The following FANCC variants were observed in gnomAD, a reference collection of about 807,000 sequenced individuals.
The protein encoded by FANCC is Fanconi anemia group C protein.
Under a neutral mutation model 71.3 loss-of-function variants are expected in FANCC, and 55 were observed. That is an observed-to-expected ratio of 0.77 (90% CI 0.62 to 0.97). The LOEUF is 0.97. FANCC is among the 50% of genes least tolerant of loss of function. FANCC has a pLI of 0.00. For synonymous variants in FANCC, 275 were observed against 244.9 expected, an observed-to-expected ratio of 1.12 and a Z score of -1.15; for missense variants, 678 against 670.9, an observed-to-expected ratio of 1.01 and a Z score of -0.12.
At chr9:95,292,679 A>G in intron 1 of FANCC, 1 of 1,328,930 alleles carries the variant, frequency 7.5e-7, no homozygotes, top group Non-Finnish European at 1.1e-6. Context: ...AGTATAGCAC[A>G]GTCAATCCAA....
chr9:95,123,651 C>T, intron 10 of FANCC: 1 of 627,014 alleles, frequency 1.6e-6, no homozygotes, highest in East Asian at 3.4e-5. Flanking sequence ...ATTGGAAACA[C>T]AGTGGAGGCT....
intron 12 of FANCC, among the ~76,000 whole-genome samples, chr9:95,111,934 C>T (rs986354202): frequency 2.0e-5 from 3 of 152,168 alleles, no homozygotes; most frequent in Non-Finnish European, 4.4e-5. Context: ...AAGACTGCGG[C>T]CATGACCAAC....
chr9:95,216,590 T>C lies in FANCC; in HGVS notation c.345+24059A>G, dbSNP rs981006598. Among the ~76,000 whole-genome samples the C allele has an allele frequency of 2.0e-5, 3 of 152,212 alleles. No individual in the cohort carries two copies. In the East Asian group the frequency reaches 5.8e-4, roughly 29 times the overall value. ...GAGACAGGGTCTCATTCAGAAGAAA[T>C]GGGACAGGTTTGCTAACTGTCCAAC... On this transcript the variant is annotated intron_variant, in intron 4 of 14. Coordinates refer to ENST00000289081, the MANE Select transcript of FANCC (RefSeq NM_000136.3).
chr9:95,229,243 A>G (rs1307226239), intron 4 of FANCC, among the ~76,000 whole-genome samples: 1 of 149,046 alleles, frequency 6.7e-6, no homozygotes, highest in East Asian at 2.0e-4. Context: ...AGTTGCAGTG[A>G]GCTGAGATCA....
chr9:95,110,584 A>T, intron 13 of FANCC: 1 of 1,035,370 alleles, frequency 9.7e-7, no homozygotes, highest in Non-Finnish European at 1.2e-6. Flanking sequence ...AAAATCTAAA[A>T]CTATTTTTCT....
chr9:95,164,490 T>C (rs780216912), intron 6 of FANCC, among the ~76,000 whole-genome samples: 1 of 152,176 alleles, frequency 6.6e-6, no homozygotes, highest in Non-Finnish European at 1.5e-5. Context: ...CTATTCCTAA[T>C]TTGTTTAAGG....
At chr9:95,111,352 G>C in intron 13 of FANCC, 111 bp downstream of exon 13, 1 of 1,598,186 alleles carries the variant, frequency 6.3e-7, no homozygotes, top group Admixed American at 1.7e-5. Context: ...CCATCTGTGG[G>C]CAGAGCTCAG....
intron 4 of FANCC, among the ~76,000 whole-genome samples, chr9:95,207,614 G>GA (rs1163815447): frequency 1.3e-5 from 2 of 152,076 alleles, no homozygotes; most frequent in East Asian, 3.9e-4. Flanking sequence ...ATGCTCCCTA[G>GA]AACTCCGGGT....
chr9:95,100,006 T>C lies in FANCC; in HGVS notation c.*1701A>G, dbSNP rs1436272381. The C allele has an allele frequency of 8.6e-6, 2 of 232,066 alleles. No homozygotes were observed. Among genetic ancestry groups the C allele is most frequent in the Non-Finnish European group, 1.7e-5 (2 of 117,432 alleles). The allele number at this position is 232,066 out of a possible 1,614,324, so 14.4% of individuals were successfully genotyped here. A position where few individuals can be genotyped will look rare whatever the true frequency, so the allele number is the denominator to read the frequency against. ...GGAGGCCTGGTCCCAGTGGCCCCTC[T>C]CTCTAGGGGTTCCCTGCTGCCACCA... On this transcript the variant is annotated 3_prime_UTR_variant, in exon 15 of 15. Transcript: ENST00000289081.
chr9:95,252,408 G>A (rs1831403364), intron 1 of FANCC, among the ~76,000 whole-genome samples: 1 of 151,296 alleles, frequency 6.6e-6, no homozygotes, highest in Admixed American at 6.6e-5. Flanking sequence ...CCAGTAAAAT[G>A]AAGAACTTTT....
At chr9:95,105,935 T>C (rs1025107225) in intron 14 of FANCC, among the ~76,000 whole-genome samples, 1 of 152,262 alleles carries the variant, frequency 6.6e-6, no homozygotes, top group African/African-American at 2.4e-5. Context: ...CCCTGAGCAC[T>C]GGGCCAGATG....
At chr9:95,271,302 TACA>T (rs921810418) in intron 1 of FANCC, among the ~76,000 whole-genome samples, 7 of 152,190 alleles carry the variant, frequency 4.6e-5, no homozygotes, top group African/African-American at 9.7e-5. Context: ...TATTACCTTG[TACA>T]ACAACAACTA....
intron 4 of FANCC, among the ~76,000 whole-genome samples, chr9:95,176,154 G>C (rs541564062): frequency 3.3e-5 from 5 of 152,330 alleles, no homozygotes; most frequent in African/African-American, 9.6e-5. Context: ...CTGGGTTAAA[G>C]AGGAGGAAAT....
chr9:95,276,747 A>G (rs1262940476), intron 1 of FANCC, among the ~76,000 whole-genome samples: 2 of 152,212 alleles, frequency 1.3e-5, no homozygotes, highest in Non-Finnish European at 2.9e-5. Context: ...CGGTTCATCA[A>G]CCAGTACAAA....
intron 4 of FANCC, among the ~76,000 whole-genome samples, chr9:95,231,630 C>T (rs968123801): frequency 6.6e-6 from 1 of 152,172 alleles, no homozygotes; most frequent in Non-Finnish European, 1.5e-5. Flanking sequence ...TAAAGAACCC[C>T]GTCCTTAGCT....
At chr9:95,252,291 A>G (rs1177796358) in intron 1 of FANCC, among the ~76,000 whole-genome samples, 27 of 149,688 alleles carry the variant, frequency 1.8e-4, no homozygotes, top group South Asian at 4.2e-4. Flanking sequence ...AAAAAAAAAA[A>G]AAAGAAAAAA....
At chr9:95,229,221 A>G (rs1178691252) in intron 4 of FANCC, among the ~76,000 whole-genome samples, 1 of 150,546 alleles carries the variant, frequency 6.6e-6, no homozygotes, top group East Asian at 2.0e-4. Context: ...TCACTTGAAT[A>G]CGGGAGGTGG....
chr9:95,101,552 G>T lies in FANCC; in HGVS notation c.*155C>A. On this transcript the variant is annotated 3_prime_UTR_variant, in exon 15 of 15. Transcript: ENST00000289081. The stretch of plus-strand genomic sequence containing the variant: ...ACCTGGCTCTGCATTTTGTAAAATA[G>T]ATACTAGCAGATTGTCCCAAGATGT... 1.1e-6 allele frequency: 1 copy of T among 882,922 alleles called. No individual in the cohort carries two copies. 54.7% of individuals were successfully genotyped at this position (882,922 alleles called of 1,614,324 possible).
At chr9:95,161,390 A>G (rs1830737298) in intron 6 of FANCC, among the ~76,000 whole-genome samples, 1 of 152,102 alleles carries the variant, frequency 6.6e-6, no homozygotes, top group African/African-American at 2.4e-5. Context: ...AATCAACACT[A>G]CCTCTTGATC....
Sources: gnomAD v4.1 joint callset for allele counts (sites outside exome capture counted in the v4.1 genomes callset) on GRCh38, gnomAD v4.1.1 for gene constraint, MANE v1.5 for transcripts, NCBI Gene and HGNC (gene_info 2026-07-23, HGNC 2026-07-21) for gene names.